Variants in DMD observed in about 807,000 individuals in gnomAD.
The protein encoded by DMD is mutant dystrophin.
In DMD, 63 loss-of-function variants were observed where a neutral mutation model predicts 330.1. That is an observed-to-expected ratio of 0.19 (90% CI 0.16 to 0.24). DMD has a LOEUF of 0.24. DMD is among the 10% of genes least tolerant of loss of function. DMD has a pLI of 1.00. For synonymous variants in DMD, 1,223 were observed against 959.8 expected, an observed-to-expected ratio of 1.27 and a Z score of -5.07; for missense variants, 3,344 against 2,684.1, an observed-to-expected ratio of 1.25 and a Z score of -5.43.
intron 62 of DMD, among the ~76,000 whole-genome samples, chrX:31,277,225 T>C (rs1166353921): frequency 9.0e-6 from 1 of 111,355 alleles, no homozygotes; most frequent in East Asian, 2.8e-4. Context: ...TTCAAGACTA[T>C]ACTAGATTTT....
intron 2 of DMD, among the ~76,000 whole-genome samples, chrX:32,897,254 T>C (rs1175675509): frequency 9.0e-6 from 1 of 111,043 alleles, no homozygotes; most frequent in Non-Finnish European, 1.9e-5. Flanking sequence ...AATTTTAATG[T>C]TTTTAGAAAA....
intron 55 of DMD, among the ~76,000 whole-genome samples, chrX:31,514,264 C>T (rs2071953408): frequency 9.0e-6 from 1 of 111,531 alleles, no homozygotes; most frequent in African/African-American, 3.3e-5. Flanking sequence ...AAACATTTGG[C>T]CTAAAGTTCT....
rs778098084 is a variant in DMD, at chrX:32,356,015, CAGAA to C, written c.5325+6769_5325+6772del. Among the ~76,000 whole-genome samples, 259 of 110,352 alleles carry C rather than the reference CAGAA, an allele frequency of 2.3e-3. 1 individual carries two copies. Among genetic ancestry groups the C allele is most frequent in the Non-Finnish European group, 3.7e-3 (194 of 52,676 alleles). ...CATAGGTGTTAAGTTATAATACGAT[CAGAA>C]AGAGACTGCAAAATATCAATGTATT... is the stretch of plus-strand genomic sequence containing the variant. On this transcript the variant is annotated intron_variant, in intron 37 of 78. Coordinates refer to ENST00000357033, the MANE Select transcript of DMD (RefSeq NM_004006.3).
chrX:32,273,657 C>T (rs2097374112), intron 43 of DMD, among the ~76,000 whole-genome samples: 1 of 111,196 alleles, frequency 9.0e-6, no homozygotes, highest in Admixed American at 9.6e-5. Context: ...CGAAACTTCC[C>T]TAAAAGACAA....
At chrX:32,480,838 AAAT>A (rs1203248988) in intron 21 of DMD, among the ~76,000 whole-genome samples, 1 of 111,068 alleles carries the variant, frequency 9.0e-6, no homozygotes, top group Non-Finnish European at 1.9e-5. Context: ...GTATTGATAA[AAAT>A]AACACAATTT....
intron 52 of DMD, among the ~76,000 whole-genome samples, chrX:31,697,975 T>C (rs764813319): frequency 8.0e-5 from 9 of 112,086 alleles, no homozygotes; most frequent in Non-Finnish European, 1.7e-4. Flanking sequence ...AACCACAGAA[T>C]TATTGTGAAG....
At chrX:31,895,376 A>T (rs914159534) in intron 47 of DMD, among the ~76,000 whole-genome samples, 11 of 112,405 alleles carry the variant, frequency 9.8e-5, no homozygotes, top group African/African-American at 3.6e-4. Context: ...CTTATAAAAT[A>T]CAGGATACCA....
chrX:32,581,779 A>G (rs1464447576), intron 13 of DMD, among the ~76,000 whole-genome samples: 1 of 112,121 alleles, frequency 8.9e-6, no homozygotes, highest in Non-Finnish European at 1.9e-5. Context: ...TAACAGGCCA[A>G]TCACTTTCAT....
At chrX:32,527,854 A>T (rs1278060195) in intron 17 of DMD, among the ~76,000 whole-genome samples, 1 of 111,493 alleles carries the variant, frequency 9.0e-6, no homozygotes, top group Non-Finnish European at 1.9e-5. Flanking sequence ...ACACACACAC[A>T]ACACATACAC....
chrX:33,132,464 C>CT (rs937803397), intron 1 of DMD, among the ~76,000 whole-genome samples: 10 of 112,083 alleles, frequency 8.9e-5, no homozygotes, highest in Admixed American at 2.8e-4. Context: ...AAAAAGCGTG[C>CT]TTTCTTTCAA....
intron 63 of DMD, among the ~76,000 whole-genome samples, chrX:31,230,056 C>A (rs1458183300): frequency 5.3e-5 from 6 of 112,173 alleles, no homozygotes; most frequent in South Asian, 3.7e-4. Context: ...TGGAACATAT[C>A]TTTAAAGAAT....
Position 31,729,721 on chromosome X carries a change from G to T in DMD, c.7570C>A (p.Arg2524Ser). 8.3e-7 allele frequency: 1 copy of T among 1,210,879 alleles called. No individual in the cohort carries two copies. Among genetic ancestry groups the T allele is most frequent in the Non-Finnish European group, 1.1e-6 (1 of 894,824 alleles). Residue 2524 changes from arginine to serine, a missense_variant, in exon 52 of 79, where the codon CGT becomes AGT. Arg to Ser is a moderately radical substitution (Grantham distance 110). Transcript: ENST00000357033. ...GTAATGAGTTCTTCCAACTGGGGAC[G>T]CCTCTGTTCCAAATCCTGCATTGTT... ...KATMQDLEQR[R>S]PQLEELITAA...
chrX:32,253,987 TC>T (rs1012272713), intron 43 of DMD, among the ~76,000 whole-genome samples: 2 of 111,285 alleles, frequency 1.8e-5, no homozygotes, highest in African/African-American at 3.3e-5. Context: ...ATCTTCTTTT[TC>T]CTCTATGTTT....
Position 32,563,068 on chromosome X carries a change from C to T in DMD, c.1992+2634G>A, listed in dbSNP as rs184989634. ...TTAAAAGGAGATAGTGGGCCGGGCG[C>T]GGTGACTTATGTCTGTAATCTCAGC... On this transcript the variant is annotated intron_variant, in intron 16 of 78. Transcript: ENST00000357033. Among the ~76,000 whole-genome samples, 788 of 110,899 alleles carry T rather than the reference C, an allele frequency of 7.1e-3. 3 individuals carry two copies. Among genetic ancestry groups the T allele is most frequent in the Non-Finnish European group, 8.6e-3 (456 of 52,964 alleles).
At chrX:33,219,208 C>G (rs1168630184) in intron 1 of DMD, among the ~76,000 whole-genome samples, 1 of 109,114 alleles carries the variant, frequency 9.2e-6, no homozygotes, top group Non-Finnish European at 1.9e-5. Context: ...TCTGACTGTT[C>G]TGGTGGAAGA....
intron 43 of DMD, among the ~76,000 whole-genome samples, chrX:32,231,228 A>G (rs183951606): frequency 1.6e-3 from 176 of 112,793 alleles, no homozygotes; most frequent in African/African-American, 5.6e-3. Flanking sequence ...CTGCTAAAGG[A>G]AAATGAGATG....
chrX:32,307,389 T>TG (rs964496114), intron 42 of DMD, among the ~76,000 whole-genome samples: 3 of 111,583 alleles, frequency 2.7e-5, no homozygotes, highest in Non-Finnish European at 5.7e-5. Flanking sequence ...TGAGGTTTGC[T>TG]GGGGAACACG....
At chrX:32,351,530 G>T (rs2097781797) in intron 37 of DMD, among the ~76,000 whole-genome samples, 1 of 108,594 alleles carries the variant, frequency 9.2e-6, no homozygotes, top group South Asian at 4.0e-4. Context: ...GACAGAAAAG[G>T]CATACCACAG....
chrX:32,719,435 T>G (rs1184220604), intron 7 of DMD, among the ~76,000 whole-genome samples: 1 of 111,505 alleles, frequency 9.0e-6, no homozygotes, highest in African/African-American at 3.3e-5. Context: ...TAGATGAAAT[T>G]TTCAGTAAAG....
Sources: allele counts gnomAD v4.1 joint callset (sites outside exome capture counted in the v4.1 genomes callset), GRCh38; gene constraint gnomAD v4.1.1; transcripts MANE v1.5; gene names NCBI Gene and HGNC (gene_info 2026-07-23, HGNC 2026-07-21).